Variants in CSMD1 observed in about 807,000 individuals in gnomAD.
CSMD1 encodes the protein CUB and Sushi multiple domains 1, also known as CUB and sushi domain-containing protein 1.
CSMD1 carries 213 observed loss-of-function variants against 417.5 expected under a neutral mutation model. That is an observed-to-expected ratio of 0.51 (90% confidence interval 0.46 to 0.57). CSMD1 has a LOEUF of 0.57. Ranked by LOEUF, CSMD1 falls within the 20% of genes least tolerant of loss-of-function variation. The probability of loss-of-function intolerance (pLI) is 0.00; values close to 1 mark genes in which losing one functional copy is unlikely to be tolerated. For synonymous variants in CSMD1, 2,862 were observed against 1,736.8 expected, an observed-to-expected ratio of 1.65 and a Z score of -16.11; for missense variants, 6,923 against 4,529.7, an observed-to-expected ratio of 1.53 and a Z score of -15.17.
Position 3,190,011 on chromosome 8 carries a change from A to C in CSMD1, c.5299T>G (p.Cys1767Gly). The change falls in exon 34 of 70, where the codon TGC becomes GGC. Residue 1767 changes from cysteine to glycine, a missense_variant. Physicochemically the swap from Cys to Gly is radical, Grantham distance 159 (BLOSUM62 -3). Transcript: ENST00000635120. ...CCCTGAAGCAGGTATCCCGGGTTGC[A>C]CTCGAATCGGACGATGGAGCCGGCA... ...FSAGSIVRFE[C>G]NPGYLLQGST... 2 of 1,597,872 alleles carry C rather than the reference A, an allele frequency of 1.3e-6. No homozygotes were observed.
At chr8:3,354,871 A>AGAT (rs1435813129) in intron 21 of CSMD1, among the ~76,000 whole-genome samples, 23 of 148,800 alleles carry the variant, frequency 1.5e-4, no homozygotes, top group Non-Finnish European at 2.9e-4. Flanking sequence ...ATATAGATAT[A>AGAT]CATATATCTA....
chr8:4,302,698 A>G (rs1399757441), intron 3 of CSMD1, among the ~76,000 whole-genome samples: 1 of 152,154 alleles, frequency 6.6e-6, no homozygotes, highest in Non-Finnish European at 1.5e-5. Context: ...ACTGGTGTGT[A>G]TGTGCCGTGT....
At chr8:3,771,177 T>C (rs1213240704) in intron 5 of CSMD1, among the ~76,000 whole-genome samples, 2 of 151,770 alleles carry the variant, frequency 1.3e-5, no homozygotes, top group African/African-American at 2.4e-5. Context: ...TTGGTGCACT[T>C]TGGGGAAAAA....
At chr8:3,980,150 T>C (rs1052162715) in intron 5 of CSMD1, among the ~76,000 whole-genome samples, 1 of 152,230 alleles carries the variant, frequency 6.6e-6, no homozygotes, top group Non-Finnish European at 1.5e-5. Context: ...GTACGGTTTA[T>C]AGAGCATTTT....
chr8:3,206,594 G>A (rs992645405), intron 30 of CSMD1, among the ~76,000 whole-genome samples: 24 of 129,882 alleles, frequency 1.8e-4, no homozygotes, highest in Non-Finnish European at 2.9e-4. Flanking sequence ...TGTGGGGGGC[G>A]TATGTCTGTA....
At chr8:3,292,918 G>A (rs146634127) in intron 25 of CSMD1, among the ~76,000 whole-genome samples, 6,031 of 151,972 alleles carry the variant, frequency 0.04, 399 homozygotes, top group African/African-American at 0.13. Context: ...TTTCTTCCTA[G>A]TCTCGATGGT....
At chr8:3,834,957 A>C (rs1802590846) in intron 5 of CSMD1, among the ~76,000 whole-genome samples, 1 of 152,128 alleles carries the variant, frequency 6.6e-6, no homozygotes, top group African/African-American at 2.4e-5. Flanking sequence ...GTCAAAAAAC[A>C]CATGAAAAAA....
chr8:3,966,724 C>A (rs148385172), intron 5 of CSMD1, among the ~76,000 whole-genome samples: 345 of 105,348 alleles, frequency 3.3e-3, no homozygotes, highest in African/African-American at 0.013. Flanking sequence ...CAGGCATTCA[C>A]ACACACAGAC....
At chr8:3,004,139 A>C (rs1563227019) in intron 52 of CSMD1, among the ~76,000 whole-genome samples, 1 of 152,204 alleles carries the variant, frequency 6.6e-6, no homozygotes, top group African/African-American at 2.4e-5. Context: ...ACACTTCAAA[A>C]CCAAATATCA....
chr8:3,316,569 A>G (rs1341505802), intron 23 of CSMD1, among the ~76,000 whole-genome samples: 1 of 152,132 alleles, frequency 6.6e-6, no homozygotes, highest in East Asian at 1.9e-4. Context: ...GGCCTCCTGG[A>G]CGCCATCCAC....
chr8:4,606,727 AC>A (rs1441825144), intron 2 of CSMD1, among the ~76,000 whole-genome samples: 2 of 152,194 alleles, frequency 1.3e-5, no homozygotes, highest in Non-Finnish European at 2.9e-5. Flanking sequence ...TTTGATAAAG[AC>A]CTTTTTCTAA....
At chr8:3,621,861 G>A (rs902035243) in intron 7 of CSMD1, among the ~76,000 whole-genome samples, 2 of 151,750 alleles carry the variant, frequency 1.3e-5, no homozygotes, top group African/African-American at 2.4e-5. Flanking sequence ...CTCCCACCTC[G>A]ACGTCCCAAA....
intron 18 of CSMD1, among the ~76,000 whole-genome samples, chr8:3,377,217 G>C (rs1337034109): frequency 1.3e-5 from 2 of 152,032 alleles, no homozygotes; most frequent in Non-Finnish European, 2.9e-5. Flanking sequence ...TTACTGTGTT[G>C]CCCAGGCTGG....
intron 2 of CSMD1, among the ~76,000 whole-genome samples, chr8:4,610,102 T>C (rs115145595): frequency 6.4e-4 from 98 of 152,234 alleles, no homozygotes; most frequent in African/African-American, 2.2e-3. Context: ...TCTATTTCTC[T>C]CCTTTTCAGG....
At chr8:4,479,761 C>A (rs942725525) in intron 2 of CSMD1, among the ~76,000 whole-genome samples, 1 of 151,696 alleles carries the variant, frequency 6.6e-6, no homozygotes, top group Non-Finnish European at 1.5e-5. Context: ...TCCTTAGAAG[C>A]TAATTCTCTA....
intron 10 of CSMD1, among the ~76,000 whole-genome samples, chr8:3,567,152 G>A (rs1799748359): frequency 6.6e-6 from 1 of 152,154 alleles, no homozygotes; most frequent in Non-Finnish European, 1.5e-5. Context: ...AGTATCCTTA[G>A]CAAACTAGCG....
rs573280499 is a variant in CSMD1 at position 3,793,716 on chromosome 8, G to A, written c.819-39674C>T. Among the ~76,000 whole-genome samples the A allele has an allele frequency of 7.9e-5, 12 of 152,142 alleles. No individual in the cohort carries two copies. The South Asian group carries it at 2.5e-3, about 32-fold the overall frequency. On this transcript the variant is annotated intron_variant, in intron 5 of 69. Transcript: ENST00000635120. ...AGGGTAAGTTAATATGTTTATTTGTGGTCTTGTGCACTTTTTATTTTCGTA... is the reference window on the plus strand; with the variant it reads ...AGGGTAAGTTAATATGTTTATTTGTAGTCTTGTGCACTTTTTATTTTCGTA...
intron 4 of CSMD1, among the ~76,000 whole-genome samples, chr8:4,021,832 T>G (rs1796803376): frequency 6.6e-6 from 1 of 152,132 alleles, no homozygotes; most frequent in Admixed American, 6.5e-5. Flanking sequence ...GACCCGGGGC[T>G]CTAGTTGGCT....
At chr8:3,816,061 T>C (rs777781140) in intron 5 of CSMD1, among the ~76,000 whole-genome samples, 14 of 152,196 alleles carry the variant, frequency 9.2e-5, no homozygotes, top group Non-Finnish European at 2.1e-4. Context: ...GTTCTGATGA[T>C]GACAATACTT....
Sources: gnomAD v4.1 joint callset for allele counts (sites outside exome capture counted in the v4.1 genomes callset) on GRCh38, gnomAD v4.1.1 for gene constraint, MANE v1.5 for transcripts, NCBI Gene and HGNC (gene_info 2026-07-23, HGNC 2026-07-21) for gene names.